Variants in ATP2B2 observed in about 807,000 individuals in gnomAD.
The protein encoded by ATP2B2 is plasma membrane calcium-transporting ATPase 2.
In ATP2B2, 15 loss-of-function variants were observed where a neutral mutation model predicts 120.0. That is an observed-to-expected ratio of 0.12 (90% CI 0.08 to 0.19). The LOEUF is 0.19. ATP2B2 is among the 10% of genes least tolerant of loss of function. The pLI, the probability that ATP2B2 is intolerant of heterozygous loss-of-function variation, is 1.00. For missense variants in ATP2B2, 1,045 were observed against 1,719.8 expected, an observed-to-expected ratio of 0.61 and a Z score of 6.94; for synonymous variants, 694 against 700.3, an observed-to-expected ratio of 0.99 and a Z score of 0.14.
Position 10,488,232 on chromosome 3 carries a change from CCTATCCATCCAT to C in ATP2B2, c.-320+17221_-320+17232del, listed in dbSNP as rs1418009964. On this transcript the variant is annotated intron_variant, in intron 1 of 22. Transcript: ENST00000360273. ...ATCCATCCATCCATCCACTCATCCA[CCTATCCATCCAT>C]CCATCCATCCATCCATCCATCCATC... Among the ~76,000 whole-genome samples the C allele has an allele frequency of 1.5e-3, 138 of 94,902 alleles. 2 individuals are homozygous for C. Among genetic ancestry groups the C allele is most frequent in the East Asian group, 4.9e-3 (18 of 3,674 alleles). 62.3% of individuals were successfully genotyped at this position (94,902 alleles called of 152,430 possible).
chr3:10,556,622 G>A (rs548973662), intron 2 of ATP2B2, among the ~76,000 whole-genome samples: 18 of 152,334 alleles, frequency 1.2e-4, no homozygotes, highest in African/African-American at 4.1e-4. Flanking sequence ...GAGCAAGGGC[G>A]AAACCCCTGA....
intron 1 of ATP2B2, among the ~76,000 whole-genome samples, chr3:10,687,558 G>A (rs2071552944): frequency 1.3e-5 from 2 of 152,046 alleles, no homozygotes; most frequent in African/African-American, 4.8e-5. Flanking sequence ...ATTTAAAGAT[G>A]GAAATAAAAA....
At chr3:10,536,789 A>C in intron 2 of ATP2B2, among the ~76,000 whole-genome samples, 1 of 152,148 alleles carries the variant, frequency 6.6e-6, no homozygotes, top group East Asian at 1.9e-4. Context: ...TGGCCTCCCA[A>C]AGTGTTGGGA....
At chr3:10,351,493 G>T (rs1271482297) in intron 14 of ATP2B2, among the ~76,000 whole-genome samples, 1 of 152,226 alleles carries the variant, frequency 6.6e-6, no homozygotes, top group Non-Finnish European at 1.5e-5. Context: ...CAGCCTGGAA[G>T]GGCTCAGTCT....
At chr3:10,332,028 C>T (rs2125330526) in intron 22 of ATP2B2, 4 of 1,550,474 alleles carry the variant, frequency 2.6e-6, no homozygotes, top group East Asian at 2.4e-5. Context: ...GTCCAGGGTT[C>T]TCTAGCCCTC....
chr3:10,378,931 T>C (rs2061453223), intron 9 of ATP2B2, among the ~76,000 whole-genome samples: 1 of 152,202 alleles, frequency 6.6e-6, no homozygotes, highest in Non-Finnish European at 1.5e-5. Flanking sequence ...CGTGACCCTT[T>C]TGGACAGAGA....
intron 2 of ATP2B2, among the ~76,000 whole-genome samples, chr3:10,553,926 G>C (rs535394366): frequency 7.3e-5 from 11 of 151,432 alleles, no homozygotes; most frequent in African/African-American, 2.7e-4. Flanking sequence ...CCAAATCCCA[G>C]GGGCCCCTGG....
intron 2 of ATP2B2, among the ~76,000 whole-genome samples, chr3:10,432,353 C>A (rs1433996608): frequency 6.6e-6 from 1 of 152,208 alleles, no homozygotes; most frequent in African/African-American, 2.4e-5. Context: ...GCTGCACAGG[C>A]CTGAAGCCTG....
chr3:10,627,151 A>C (rs1050901274), intron 1 of ATP2B2, among the ~76,000 whole-genome samples: 4 of 152,100 alleles, frequency 2.6e-5, no homozygotes, highest in African/African-American at 9.7e-5. Context: ...AAGCTTCCCC[A>C]TGCCCCACAG....
intron 1 of ATP2B2, among the ~76,000 whole-genome samples, chr3:10,689,287 C>T (rs1205294492): frequency 6.6e-6 from 1 of 152,148 alleles, no homozygotes; most frequent in African/African-American, 2.4e-5. Flanking sequence ...GAGTCAGAAC[C>T]AGGTATGAAG....
chr3:10,671,423 G>A (rs568092697), intron 1 of ATP2B2, among the ~76,000 whole-genome samples: 2 of 152,182 alleles, frequency 1.3e-5, no homozygotes, highest in South Asian at 4.2e-4. Context: ...GGCCCTTGTC[G>A]AAGTATAGAT....
chr3:10,667,486 C>T (rs145966001), intron 1 of ATP2B2, among the ~76,000 whole-genome samples: 8 of 152,312 alleles, frequency 5.3e-5, no homozygotes, highest in Middle Eastern at 3.4e-3. Context: ...TGGGGTTTCC[C>T]GCACTCGGCG....
At chr3:10,389,344 A>C (rs2061777671) in intron 5 of ATP2B2, among the ~76,000 whole-genome samples, 1 of 152,230 alleles carries the variant, frequency 6.6e-6, no homozygotes, top group Admixed American at 6.5e-5. Context: ...ACAGCAAGCA[A>C]GGGCTTCAGA....
At chr3:10,570,110 T>C (rs2068090764) in intron 2 of ATP2B2, 1 of 152,214 alleles carries the variant, frequency 6.6e-6, no homozygotes, top group African/African-American at 2.4e-5. Flanking sequence ...ATCTTGTGAC[T>C]CAGAACCCAC....
chr3:10,606,910 CACAGAGAGAGAG>C (rs1401948394), intron 2 of ATP2B2, among the ~76,000 whole-genome samples: 10,641 of 44,880 alleles, frequency 0.24, 431 homozygotes, highest in East Asian at 0.41. Context: ...CACACACACA[CACAGAGAGAGAG>C]AGAGAGAGAG....
chr3:10,599,835 A>C (rs1430703658), intron 2 of ATP2B2, among the ~76,000 whole-genome samples: 2 of 152,066 alleles, frequency 1.3e-5, no homozygotes, highest in Non-Finnish European at 2.9e-5. Context: ...GCAAGAATTC[A>C]AATGGATAAA....
chr3:10,633,244 A>G (rs1376035694), intron 1 of ATP2B2, among the ~76,000 whole-genome samples: 2 of 152,184 alleles, frequency 1.3e-5, no homozygotes, highest in Non-Finnish European at 2.9e-5. Context: ...GGGTTAAATG[A>G]GTTAACACAT....
intron 2 of ATP2B2, among the ~76,000 whole-genome samples, chr3:10,426,240 A>G (rs1045797958): frequency 3.3e-5 from 5 of 152,036 alleles, no homozygotes; most frequent in African/African-American, 1.2e-4. Context: ...CTTTCCTTTT[A>G]ATCATTATTT....
chr3:10,688,069 C>T (rs1376357453), intron 1 of ATP2B2, among the ~76,000 whole-genome samples: 5 of 152,090 alleles, frequency 3.3e-5, no homozygotes, highest in Admixed American at 6.5e-5. Context: ...ACCATGACCC[C>T]TATGAGGAAG....
Sources: allele counts gnomAD v4.1 joint callset (sites outside exome capture counted in the v4.1 genomes callset), GRCh38; gene constraint gnomAD v4.1.1; transcripts MANE v1.5; gene names NCBI Gene and HGNC (gene_info 2026-07-23, HGNC 2026-07-21).